TBC1D12: variants seen among roughly 807,000 people sequenced by gnomAD.
TBC1D12 encodes the protein TBC1 domain family, member 12.
Under a neutral mutation model 86.7 loss-of-function variants are expected in TBC1D12, and 56 were observed. That is an observed-to-expected ratio of 0.65 (90% CI 0.52 to 0.81). The LOEUF (loss-of-function observed/expected upper bound fraction) is 0.81, where lower values mean the gene tolerates loss of function less well. Among genes scored for constraint, TBC1D12 ranks in the 30% least tolerant of loss-of-function variants. The pLI is 0.00. For missense variants in TBC1D12, 1,023 were observed against 1,038.8 expected, an observed-to-expected ratio of 0.98 and a Z score of 0.21; for synonymous variants, 421 against 411.7, an observed-to-expected ratio of 1.02 and a Z score of -0.27.
At chr10:94,470,690 C>CTTTTT (rs35586245) in intron 2 of TBC1D12, among the ~76,000 whole-genome samples, 1 of 105,822 alleles carries the variant, frequency 9.4e-6, no homozygotes, top group African/African-American at 3.4e-5. Flanking sequence ...ATTTGTAATT[C>CTTTTT]TTTTTTTTTT....
intron 5 of TBC1D12, among the ~76,000 whole-genome samples, chr10:94,497,601 G>A (rs2056339437): frequency 7.0e-6 from 1 of 143,686 alleles, no homozygotes; most frequent in Non-Finnish European, 1.5e-5. Flanking sequence ...CTCACTGCAA[G>A]CTCCGCCTCC....
intron 5 of TBC1D12, 119 bp downstream of exon 5, chr10:94,497,291 A>C (rs11187985): frequency 0.43 from 195,908 of 456,558 alleles, 44,188 homozygotes; most frequent in East Asian, 0.7. Flanking sequence ...CACAATGTGC[A>C]GGTTAGTTAC....
chr10:94,416,912 G>C (rs2055006614), intron 1 of TBC1D12, among the ~76,000 whole-genome samples: 1 of 152,114 alleles, frequency 6.6e-6, no homozygotes, highest in Admixed American at 6.6e-5. Context: ...CACTTTTTGG[G>C]ACTGCAGATT....
intron 2 of TBC1D12, among the ~76,000 whole-genome samples, chr10:94,463,559 C>T (rs921550868): frequency 6.6e-6 from 1 of 152,236 alleles, no homozygotes; most frequent in Non-Finnish European, 1.5e-5. Context: ...AAGGCTCCCC[C>T]ACCCCTGCCC....
Position 94,474,712 on chromosome 10 carries a change from GT to G in TBC1D12, c.1141del (p.Ser381LeufsTer17). 1 of 1,614,094 alleles carries G rather than the reference GT, an allele frequency of 6.2e-7. No individual in the cohort carries two copies. The highest frequency in any genetic ancestry group is 8.5e-7 in the Non-Finnish European group (1 of 1,180,020). ...TGRTCKPPPQ[S>X]SRRKNFEFEP... ...GGAGGACCTGTAAACCACCACCTCA[GT>G]CTTCAAGACGCAAGAATTTTGAATT... On this transcript the variant is annotated frameshift_variant, in exon 3 of 13. Coordinates refer to ENST00000225235, the MANE Select transcript of TBC1D12 (RefSeq NM_015188.2). LOFTEE classifies it high-confidence loss of function.
intron 3 of TBC1D12, among the ~76,000 whole-genome samples, chr10:94,489,536 T>G (rs1256268006): frequency 6.6e-6 from 1 of 152,204 alleles, no homozygotes; most frequent in African/African-American, 2.4e-5. Context: ...ATAGTTAAAA[T>G]TTGGTGTTCC....
intron 3 of TBC1D12, among the ~76,000 whole-genome samples, chr10:94,491,504 G>A (rs1175043853): frequency 6.6e-6 from 1 of 152,150 alleles, no homozygotes; most frequent in Non-Finnish European, 1.5e-5. Context: ...CCAAAATACG[G>A]TGTAGTAGTT....
chr10:94,409,733 C>G (rs1319799231), intron 1 of TBC1D12, among the ~76,000 whole-genome samples: 1 of 152,122 alleles, frequency 6.6e-6, no homozygotes, highest in East Asian at 1.9e-4. Flanking sequence ...ATAATACTAA[C>G]TTGGAGTTAC....
At chr10:94,411,141 A>G (rs371875847) in intron 1 of TBC1D12, among the ~76,000 whole-genome samples, 4 of 152,286 alleles carry the variant, frequency 2.6e-5, no homozygotes, top group East Asian at 3.9e-4. Context: ...CCTTAGGGTA[A>G]TCATGATAGA....
Position 94,498,391 on chromosome 10 carries a change from T to A in TBC1D12, c.1412+1219T>A, listed in dbSNP as rs2056351922. 3.3e-5 allele frequency among the ~76,000 whole-genome samples: 5 copies of A among 152,212 alleles called. No individual in the cohort carries two copies. In the South Asian group the frequency reaches 1.0e-3, roughly 32 times the overall value. On this transcript the variant is annotated intron_variant, in intron 5 of 12. Transcript: ENST00000225235. ...ATTTTTAAGTTATTTTGCCAGCATC[T>A]TTTTAATGATAAATAATAATTGTAT...
At chr10:94,527,291 T>C (rs538622585) in intron 11 of TBC1D12, among the ~76,000 whole-genome samples, 3 of 152,192 alleles carry the variant, frequency 2.0e-5, no homozygotes, top group South Asian at 2.1e-4. Context: ...GGTCTCACCA[T>C]GTTGGCCAGG....
At chr10:94,446,636 C>T (rs990848397) in intron 2 of TBC1D12, among the ~76,000 whole-genome samples, 15 of 152,044 alleles carry the variant, frequency 9.9e-5, no homozygotes, top group African/African-American at 3.4e-4. Flanking sequence ...GCAATCTTCC[C>T]GTCTTAGCCT....
intron 7 of TBC1D12, chr10:94,509,884 C>T: frequency 2.1e-6 from 1 of 485,858 alleles, no homozygotes; most frequent in South Asian, 2.8e-5. Context: ...AATCCTTTAC[C>T]ATATAACTTT....
intron 3 of TBC1D12, among the ~76,000 whole-genome samples, chr10:94,477,298 C>T (rs767907053): frequency 1.7e-4 from 26 of 152,032 alleles, no homozygotes; most frequent in Non-Finnish European, 2.6e-4. Flanking sequence ...GGTGGGGGGA[C>T]GTTATTTGTA....
Position 94,536,009 on chromosome 10 carries a change from T to C in TBC1D12, c.*2913T>C, listed in dbSNP as rs1264761541. 1 of 152,104 alleles carries C rather than the reference T, an allele frequency of 6.6e-6. No homozygotes were observed. Among genetic ancestry groups the C allele is most frequent in the Non-Finnish European group, 1.5e-5 (1 of 67,996 alleles). The allele number at this position is 152,104 out of a possible 1,614,324, so 9.4% of individuals were successfully genotyped here. A position where few individuals can be genotyped will look rare whatever the true frequency, so the allele number is the denominator to read the frequency against. On this transcript the variant is annotated 3_prime_UTR_variant, in exon 13 of 13. Coordinates refer to ENST00000225235, the MANE Select transcript of TBC1D12 (RefSeq NM_015188.2). ...TCTCAAGGAAACAAAGGAAATAATC[T>C]TTGTTTTTGTTTGCCAAATTTGTCT...
In TBC1D12 at chr10:94,533,176, G is replaced by T; in HGVS notation, c.*80G>T. ...TTTTTGTTTCCTATGTAAAAGGCGT[G>T]GAAGAAAATGTTGGAGATACCTAAA... is the stretch of plus-strand genomic sequence containing the variant. On this transcript the variant is annotated 3_prime_UTR_variant, in exon 13 of 13. Coordinates refer to ENST00000225235, the MANE Select transcript of TBC1D12 (RefSeq NM_015188.2). The T allele has an allele frequency of 1.2e-6, 1 of 813,894 alleles. No individual in the cohort carries two copies. The allele number at this position is 813,894 out of a possible 1,614,324, so 50.4% of individuals were successfully genotyped here.
intron 5 of TBC1D12, among the ~76,000 whole-genome samples, chr10:94,499,819 G>A (rs1336272431): frequency 6.6e-6 from 1 of 152,138 alleles, no homozygotes; most frequent in Non-Finnish European, 1.5e-5. Flanking sequence ...CTTTAAAGCC[G>A]ACAGTTTTTT....
intron 1 of TBC1D12, among the ~76,000 whole-genome samples, chr10:94,417,787 C>T (rs558564567): frequency 5.9e-4 from 87 of 147,554 alleles, no homozygotes; most frequent in Non-Finnish European, 9.6e-4. Flanking sequence ...CTCGCTCTGT[C>T]GCCCAGGCTG....
At chr10:94,474,298 T>C in intron 2 of TBC1D12, among the ~76,000 whole-genome samples, 1 of 151,874 alleles carries the variant, frequency 6.6e-6, no homozygotes, top group Non-Finnish European at 1.5e-5. Context: ...TGATACTTTG[T>C]ATGTAATATA....
Sources: gnomAD v4.1 joint callset for allele counts (sites outside exome capture counted in the v4.1 genomes callset) on GRCh38, gnomAD v4.1.1 for gene constraint, MANE v1.5 for transcripts, NCBI Gene and HGNC (gene_info 2026-07-23, HGNC 2026-07-21) for gene names.